Variants in PARD3B observed in about 807,000 individuals in gnomAD.
PARD3B encodes the protein par-3 family cell polarity regulator beta, also known as partitioning defective 3 homolog B.
In PARD3B, 103 loss-of-function variants were observed where a neutral mutation model predicts 130.2. The observed-to-expected ratio is 0.79, with a 90% confidence interval of 0.67 to 0.93. The LOEUF (loss-of-function observed/expected upper bound fraction) is 0.93, where lower values mean the gene tolerates loss of function less well. Ranked by LOEUF, PARD3B falls within the 40% of genes least tolerant of loss-of-function variation. The pLI, the probability that PARD3B is intolerant of heterozygous loss-of-function variation, is 0.00. For synonymous variants in PARD3B, 583 were observed against 553.2 expected, an observed-to-expected ratio of 1.05 and a Z score of -0.76; for missense variants, 1,609 against 1,499.2, an observed-to-expected ratio of 1.07 and a Z score of -1.21.
intron 2 of PARD3B, among the ~76,000 whole-genome samples, chr2:204,750,623 T>TACATACATACAC (rs1185950709): frequency 6.6e-6 from 1 of 151,222 alleles, no homozygotes; most frequent in Admixed American, 6.6e-5. Context: ...CATACATACA[T>TACATACATACAC]ACATACATAC....
At chr2:204,723,440 G>T (rs1009030811) in intron 2 of PARD3B, among the ~76,000 whole-genome samples, 62 of 152,094 alleles carry the variant, frequency 4.1e-4, no homozygotes, top group African/African-American at 1.5e-3. Context: ...ATTTGCCAAA[G>T]AACAAAAAGT....
intron 14 of PARD3B, among the ~76,000 whole-genome samples, chr2:205,191,347 A>G (rs1415253072): frequency 6.6e-6 from 1 of 152,184 alleles, no homozygotes; most frequent in Non-Finnish European, 1.5e-5. Context: ...TATCCATTTT[A>G]TGGATGAGGA....
At chr2:205,354,239 G>A (rs12464688) in intron 18 of PARD3B, among the ~76,000 whole-genome samples, 90,001 of 150,720 alleles carry the variant, frequency 0.6, 30,013 homozygotes, top group South Asian at 0.77. Context: ...TCCCCTGGTG[G>A]TCTAGTGGTT....
chr2:205,552,676 A>C (rs138972435), intron 21 of PARD3B, among the ~76,000 whole-genome samples: 1 of 152,272 alleles, frequency 6.6e-6, no homozygotes, highest in East Asian at 1.9e-4. Context: ...CTCCGAACAA[A>C]GTGCTGGGAT....
chr2:205,139,612 G>A (rs2032778780), intron 10 of PARD3B, among the ~76,000 whole-genome samples: 1 of 152,020 alleles, frequency 6.6e-6, no homozygotes, highest in South Asian at 2.1e-4. Flanking sequence ...CAAAGATGAA[G>A]GCTGCTACAT....
At chr2:205,195,065 C>T (rs1481820335) in intron 15 of PARD3B, among the ~76,000 whole-genome samples, 1 of 150,850 alleles carries the variant, frequency 6.6e-6, no homozygotes, top group Non-Finnish European at 1.5e-5. Flanking sequence ...TCCCAAAGTG[C>T]TGGGATTACA....
chr2:204,665,117 T>A (rs2035968674), intron 1 of PARD3B, among the ~76,000 whole-genome samples: 1 of 151,958 alleles, frequency 6.6e-6, no homozygotes, highest in Non-Finnish European at 1.5e-5. Flanking sequence ...TTTGTTTTTT[T>A]TTTTGTCTTT....
intron 2 of PARD3B, among the ~76,000 whole-genome samples, chr2:204,771,319 A>G (rs2041368555): frequency 6.6e-6 from 1 of 152,166 alleles, no homozygotes; most frequent in Middle Eastern, 3.4e-3. Flanking sequence ...TCTGCACCCA[A>G]GCTGATGAGG....
At chr2:205,343,183 A>C (rs2105815389) in intron 18 of PARD3B, among the ~76,000 whole-genome samples, 1 of 152,314 alleles carries the variant, frequency 6.6e-6, no homozygotes, top group Admixed American at 6.5e-5. Context: ...CAAGTGACTA[A>C]GTGGATGAAG....
chr2:205,021,648 C>A lies in PARD3B; in HGVS notation c.395-25933C>A, dbSNP rs984092461. ...TCTCTCTTTCTCTCTCTCTCTCTCT[C>A]TCTATATATATATATATAGTTAATC... On this transcript the variant is annotated intron_variant, in intron 3 of 22. Coordinates refer to ENST00000406610, the MANE Select transcript of PARD3B (RefSeq NM_001302769.2). This position sits in a 1 kb window ranked among gnomAD's most constrained non-coding sequence, Gnocchi z 4.5. Among the ~76,000 whole-genome samples, 369 of 128,784 alleles carry A rather than the reference C, an allele frequency of 2.9e-3. No individual in the cohort carries two copies. Among genetic ancestry groups the A allele is most frequent in the African/African-American group, 4.8e-3 (169 of 35,148 alleles). 84.5% of individuals were successfully genotyped at this position (128,784 alleles called of 152,430 possible).
At chr2:205,199,645 G>A (rs186561981) in intron 15 of PARD3B, among the ~76,000 whole-genome samples, 5 of 152,054 alleles carry the variant, frequency 3.3e-5, no homozygotes, top group African/African-American at 1.2e-4. Context: ...GTGCGAGGTG[G>A]CCCATTGTTT....
intron 16 of PARD3B, among the ~76,000 whole-genome samples, chr2:205,299,190 C>CT (rs777333240): frequency 4.0e-4 from 61 of 152,224 alleles, no homozygotes; most frequent in Non-Finnish European, 7.8e-4. Flanking sequence ...TACATCAGTG[C>CT]TTTTTTGTAC....
At chr2:204,711,568 C>G (rs2038436739) in intron 2 of PARD3B, among the ~76,000 whole-genome samples, 1 of 151,320 alleles carries the variant, frequency 6.6e-6, no homozygotes, top group African/African-American at 2.4e-5. Flanking sequence ...TTTTTTCAGA[C>G]AGAGTCTTGC....
chr2:205,344,064 G>A (rs974796441), intron 18 of PARD3B, among the ~76,000 whole-genome samples: 8 of 152,138 alleles, frequency 5.3e-5, no homozygotes, highest in African/African-American at 1.9e-4. Flanking sequence ...GAACACTTAA[G>A]AAATTAGAGC....
At chr2:204,971,151 T>C (rs944022727) in intron 3 of PARD3B, among the ~76,000 whole-genome samples, 9 of 152,184 alleles carry the variant, frequency 5.9e-5, no homozygotes, top group Non-Finnish European at 7.3e-5. Flanking sequence ...TATGGGAACA[T>C]TTTTCTCAAT....
rs1701193214 is a variant in PARD3B at position 205,078,235 on chromosome 2, C to T, written c.505-26191C>T. Among the ~76,000 whole-genome samples, 5 of 152,164 alleles carry T rather than the reference C, an allele frequency of 3.3e-5. No homozygotes were observed. In the South Asian group the frequency reaches 1.0e-3, roughly 32 times the overall value. ...GAGAATTTTAGTTAGCAAGTTAAGG[C>T]ATTCAAAACTCTGAATGGGTATTTA... is the stretch of plus-strand genomic sequence containing the variant. On this transcript the variant is annotated intron_variant, in intron 4 of 22. Coordinates refer to ENST00000406610, the MANE Select transcript of PARD3B (RefSeq NM_001302769.2). This position sits in a 1 kb window ranked among gnomAD's most constrained non-coding sequence, Gnocchi z 4.0.
chr2:205,140,486 CT>C (rs35408494), intron 10 of PARD3B, among the ~76,000 whole-genome samples: 38,521 of 117,472 alleles, frequency 0.33, 6,552 homozygotes, highest in Middle Eastern at 0.41. Context: ...AAGACCGTTC[CT>C]TTTTTTTTTT....
chr2:205,118,725 T>C (rs1045384547), intron 6 of PARD3B, among the ~76,000 whole-genome samples, 196 bp from the exon 7 acceptor site: 2 of 152,222 alleles, frequency 1.3e-5, no homozygotes, highest in Non-Finnish European at 2.9e-5. Context: ...CATATTTATC[T>C]AGAAGGGCTT....
intron 2 of PARD3B, among the ~76,000 whole-genome samples, chr2:204,888,826 T>C (rs1156788848): frequency 6.7e-6 from 1 of 150,056 alleles, no homozygotes; most frequent in Non-Finnish European, 1.5e-5. Flanking sequence ...GAGAATCCAA[T>C]AAAATGGTAA....
Sources: gnomAD v4.1 joint callset for allele counts (sites outside exome capture counted in the v4.1 genomes callset) on GRCh38, gnomAD v4.1.1 for gene constraint, Gnocchi (gnomAD v3.1) non-coding constraint, MANE v1.5 for transcripts, NCBI Gene and HGNC (gene_info 2026-07-23, HGNC 2026-07-21) for gene names.